Variants in NLGN4X observed in about 807,000 individuals in gnomAD.
NLGN4X encodes neuroligin 4 X-linked.
NLGN4X carries 3 observed loss-of-function variants against 40.3 expected under a neutral mutation model. The observed-to-expected ratio is 0.07, with a 90% CI of 0.03 to 0.19. The LOEUF (loss-of-function observed/expected upper bound fraction) is 0.19. Ranked by LOEUF, NLGN4X falls within the 10% of genes least tolerant of loss-of-function variation. The pLI, the probability that NLGN4X is intolerant of heterozygous loss-of-function variation, is 1.00. For missense variants in NLGN4X, 382 were observed against 708.3 expected (o/e 0.54, Z 5.23); for synonymous variants, 270 against 306.8 (o/e 0.88, Z 1.25).
intron 3 of NLGN4X, among the ~76,000 whole-genome samples, chrX:5,971,970 C>T (rs1285769176): frequency 9.0e-6 from 1 of 111,708 alleles, no homozygotes; most frequent in East Asian, 2.8e-4. Flanking sequence ...ATGGGCTTAT[C>T]CTTAAAGATA....
At chrX:6,157,895 G>A (rs1010237873) in intron 1 of NLGN4X, among the ~76,000 whole-genome samples, 4 of 111,186 alleles carry the variant, frequency 3.6e-5, no homozygotes, top group East Asian at 5.7e-4. Flanking sequence ...GTAAGGGTAC[G>A]TAATGGGGTA....
At chrX:6,013,258 T>C (rs892505278) in intron 3 of NLGN4X, among the ~76,000 whole-genome samples, 2 of 111,468 alleles carry the variant, frequency 1.8e-5, no homozygotes, top group Admixed American at 1.9e-4. Context: ...TGAATTATGA[T>C]ACAGGTATAC....
At chrX:6,119,786 G>A (rs1306551744) in intron 2 of NLGN4X, among the ~76,000 whole-genome samples, 3 of 110,925 alleles carry the variant, frequency 2.7e-5, no homozygotes, top group Non-Finnish European at 3.8e-5. Flanking sequence ...TTTACAGAGC[G>A]AGCAAATGTA....
intron 2 of NLGN4X, among the ~76,000 whole-genome samples, chrX:6,142,085 T>G (rs894490834): frequency 9.8e-5 from 11 of 112,061 alleles, no homozygotes; most frequent in African/African-American, 3.6e-4. Context: ...ATGTGAAAAT[T>G]TGATTTTTAA....
intron 2 of NLGN4X, among the ~76,000 whole-genome samples, chrX:6,122,151 C>T (rs2039438956): frequency 8.9e-6 from 1 of 112,087 alleles, no homozygotes; most frequent in Non-Finnish European, 1.9e-5. Flanking sequence ...AATTAGAACT[C>T]GAGTTCCAAG....
chrX:6,150,044 C>T (rs2040132622), intron 2 of NLGN4X, among the ~76,000 whole-genome samples: 1 of 110,221 alleles, frequency 9.1e-6, no homozygotes, highest in Non-Finnish European at 1.9e-5. Context: ...ATACAAAGGA[C>T]ACACTCTAGT....
At chrX:6,196,539 G>A (rs961241530) in intron 1 of NLGN4X, among the ~76,000 whole-genome samples, 53 of 67,588 alleles carry the variant, frequency 7.8e-4, no homozygotes, top group African/African-American at 2.6e-3. Context: ...GCGACAGAGC[G>A]AGACTCTGTC....
At chrX:5,984,465 A>C (rs752826136) in intron 3 of NLGN4X, among the ~76,000 whole-genome samples, 1 of 99,176 alleles carries the variant, frequency 1.0e-5, no homozygotes, top group East Asian at 2.8e-4. Context: ...AACAGCACCA[A>C]AATTTGAAGA....
At chrX:6,213,248 C>A (rs1453884764) in intron 1 of NLGN4X, among the ~76,000 whole-genome samples, 1 of 111,616 alleles carries the variant, frequency 9.0e-6, no homozygotes, top group African/African-American at 3.3e-5. Context: ...CAAACACATA[C>A]CCCTGTCTAA....
At chrX:6,095,673 C>T (rs1285757906) in intron 2 of NLGN4X, among the ~76,000 whole-genome samples, 1 of 111,995 alleles carries the variant, frequency 8.9e-6, no homozygotes, top group Non-Finnish European at 1.9e-5. Flanking sequence ...TCAATGAAGA[C>T]AATGCTGCCC....
At chrX:5,901,911 T>C (rs1432047202) in intron 5 of NLGN4X, among the ~76,000 whole-genome samples, 1 of 107,756 alleles carries the variant, frequency 9.3e-6, no homozygotes. Flanking sequence ...ATTATACAAA[T>C]AGGAATATCT....
At chrX:5,946,796 C>T (rs1397961861) in intron 3 of NLGN4X, among the ~76,000 whole-genome samples, 1 of 111,060 alleles carries the variant, frequency 9.0e-6, no homozygotes, top group African/African-American at 3.3e-5. Flanking sequence ...AAGCCAAGTA[C>T]TCAATAGTTA....
intron 1 of NLGN4X, among the ~76,000 whole-genome samples, chrX:6,209,836 T>C (rs1924404286): frequency 9.0e-6 from 1 of 111,355 alleles, no homozygotes; most frequent in Admixed American, 9.6e-5. Context: ...TTAGATTAGT[T>C]TGGTTTTCTT....
Position 6,114,111 on chromosome X carries a change from C to T in NLGN4X, c.472+36884G>A, listed in dbSNP as rs542245256. The stretch of plus-strand genomic sequence containing the variant: ...CTGGGATTAGAGGCATGAGCCACCG[C>T]ACCCGGCCTACTTCTGTTAAACCAA... On this transcript the variant is annotated intron_variant, in intron 2 of 5. Coordinates refer to ENST00000381095, the MANE Select transcript of NLGN4X (RefSeq NM_181332.3). Among the ~76,000 whole-genome samples, 12 of 111,703 alleles carry T rather than the reference C, an allele frequency of 1.1e-4. No homozygotes were observed. In the South Asian group the frequency reaches 4.1e-3, roughly 39 times the overall value.
At chrX:6,192,754 G>A (rs772613877) in intron 1 of NLGN4X, among the ~76,000 whole-genome samples, 1 of 111,835 alleles carries the variant, frequency 8.9e-6, no homozygotes, top group East Asian at 2.8e-4. Context: ...GAAAAATGAG[G>A]TGGTGAGAAT....
At chrX:5,970,376 C>A (rs181527072) in intron 3 of NLGN4X, among the ~76,000 whole-genome samples, 4 of 111,390 alleles carry the variant, frequency 3.6e-5, no homozygotes, top group Admixed American at 1.9e-4. Context: ...TTATTCCCTG[C>A]AGGACTCTAA....
At chrX:6,166,654 G>A (rs1244534106) in intron 1 of NLGN4X, among the ~76,000 whole-genome samples, 1 of 110,453 alleles carries the variant, frequency 9.1e-6, no homozygotes, top group Admixed American at 9.8e-5. Context: ...AAAGGTTACA[G>A]CTTTCTGCTT....
intron 2 of NLGN4X, among the ~76,000 whole-genome samples, chrX:6,097,157 C>A (rs1272140082): frequency 1.8e-5 from 2 of 109,985 alleles, no homozygotes; most frequent in Non-Finnish European, 3.8e-5. Context: ...TATGAAATGT[C>A]TCTCTTTTAT....
chrX:5,945,039 A>C (rs2034078115), intron 3 of NLGN4X, among the ~76,000 whole-genome samples: 1 of 112,348 alleles, frequency 8.9e-6, no homozygotes, highest in African/African-American at 3.2e-5. Flanking sequence ...ATAAAACAAA[A>C]TAATAAGTAA....
Sources: allele counts gnomAD v4.1 joint callset (sites outside exome capture counted in the v4.1 genomes callset), GRCh38; gene constraint gnomAD v4.1.1; transcripts MANE v1.5; gene names NCBI Gene and HGNC (gene_info 2026-07-23, HGNC 2026-07-21).